ZC3H14: variants seen among roughly 807,000 people sequenced by gnomAD.
ZC3H14 encodes the protein zinc finger CCCH-type containing 14.
Under a neutral mutation model 92.4 loss-of-function variants are expected in ZC3H14, and 31 were observed. That is an observed-to-expected ratio of 0.34 (90% confidence interval 0.25 to 0.45). The LOEUF is 0.45. Among genes scored for constraint, ZC3H14 ranks in the 20% least tolerant of loss-of-function variants. The pLI, the probability that ZC3H14 is intolerant of heterozygous loss-of-function variation, is 1.00. For missense variants in ZC3H14, 781 were observed against 897.3 expected (o/e 0.87, Z 1.66); for synonymous variants, 321 against 300.9 (o/e 1.07, Z -0.69).
At chr14:88,604,194 T>A (rs1490088998) in intron 12 of ZC3H14, among the ~76,000 whole-genome samples, 1 of 152,210 alleles carries the variant, frequency 6.6e-6, no homozygotes, top group Non-Finnish European at 1.5e-5. Flanking sequence ...GGTGTCCATA[T>A]GAGGCTTTAT....
chr14:88,619,928 G>A lies in ZC3H14; in HGVS notation c.*8177G>A, dbSNP rs1421598864. 1 of 152,214 alleles carries A rather than the reference G, an allele frequency of 6.6e-6. No individual in the cohort carries two copies. The highest frequency in any genetic ancestry group is 1.5e-5 in the Non-Finnish European group (1 of 68,102). The allele number at this position is 152,214 out of a possible 1,614,324, so 9.4% of individuals were successfully genotyped here. A position where few individuals can be genotyped will look rare whatever the true frequency, so the allele number is the denominator to read the frequency against. ...GATCTGCCTGCCTCGGCCTCCCAAA[G>A]TGCTGGGATTACAGGCATGAGCCAC... On this transcript the variant is annotated 3_prime_UTR_variant, in exon 17 of 17. Coordinates refer to ENST00000251038, the MANE Select transcript of ZC3H14 (RefSeq NM_024824.5).
At position 88,616,780 on chromosome 14, in the gene ZC3H14, T is replaced by G. The variant is rs762494172; in HGVS notation, c.*5029T>G. The G allele has an allele frequency of 1.2e-6, 2 of 1,613,984 alleles. No homozygotes were observed. The highest frequency in any genetic ancestry group is 1.7e-6 in the Non-Finnish European group (2 of 1,179,868). ...ACTTAACCATGCCAAAGTCATCTCCTGTAACAAGACTGATTCCTGAATGAG... is the reference window on the plus strand; with the variant it reads ...ACTTAACCATGCCAAAGTCATCTCCGGTAACAAGACTGATTCCTGAATGAG... On this transcript the variant is annotated 3_prime_UTR_variant, in exon 17 of 17. Coordinates refer to ENST00000251038, the MANE Select transcript of ZC3H14 (RefSeq NM_024824.5).
chr14:88,565,168 A>C (rs1368636209), intron 2 of ZC3H14, among the ~76,000 whole-genome samples: 1 of 152,056 alleles, frequency 6.6e-6, no homozygotes, highest in African/African-American at 2.4e-5. Flanking sequence ...TTTGAGATGG[A>C]ATTTCACTCG....
chr14:88,578,477 G>T (rs7143853), intron 9 of ZC3H14, among the ~76,000 whole-genome samples: 1 of 151,922 alleles, frequency 6.6e-6, no homozygotes, highest in East Asian at 1.9e-4. Flanking sequence ...TCTTTTTATT[G>T]TGGAAATTTT....
chr14:88,569,338 C>G (rs995315024), intron 3 of ZC3H14, among the ~76,000 whole-genome samples: 3 of 152,112 alleles, frequency 2.0e-5, no homozygotes, highest in Non-Finnish European at 4.4e-5. Flanking sequence ...TAAACTCACA[C>G]CTTCATTTTG....
At position 88,615,833 on chromosome 14, in the gene ZC3H14, T is replaced by C; in HGVS notation, c.*4082T>C. The C allele has an allele frequency of 6.2e-7, 1 of 1,612,104 alleles. No individual in the cohort carries two copies. Among genetic ancestry groups the C allele is most frequent in the Non-Finnish European group, 8.5e-7 (1 of 1,179,120 alleles). ...TCAGCATCTCTCAGTGAGGTGTATG[T>C]ACACATTTCCAGACAAATAAGCTGC... On this transcript the variant is annotated 3_prime_UTR_variant, in exon 17 of 17. Coordinates refer to ENST00000251038, the MANE Select transcript of ZC3H14 (RefSeq NM_024824.5).
intron 6 of ZC3H14, 149 bp downstream of exon 6, chr14:88,573,156 G>C (rs1049371426): frequency 4.9e-5 from 41 of 833,536 alleles, no homozygotes; most frequent in Admixed American, 1.3e-4. Context: ...CGAGGCGGGT[G>C]GATCACGAGG....
At position 88,572,873 on chromosome 14, in the gene ZC3H14, G is replaced by A. The variant is rs760052050; in HGVS notation, c.727G>A (p.Ala243Thr). 1.2e-6 allele frequency: 2 copies of A among 1,614,204 alleles called. No homozygotes were observed. The highest frequency in any genetic ancestry group is 8.5e-7 in the Non-Finnish European group (1 of 1,180,044). ...QFQQQQNSIH[A>T]AKQLDMQSSW... ...TCAACAGCAGCAGAATAGTATTCAT[G>A]CTGCCAAGCAGCTTGATATGCAGAG... The change falls in exon 6 of 17, where the codon GCT (alanine) becomes ACT (threonine). Residue 243 changes from alanine (A) to threonine (T), a missense_variant. By Grantham distance (58) the Ala-to-Thr change is moderately conservative. Around this residue, in one of 3 missense-constraint regions of ZC3H14, gnomAD observed 454 missense variants for 438.5 expected, o/e 1.04. Coordinates refer to ENST00000251038, the MANE Select transcript of ZC3H14 (RefSeq NM_024824.5).
At chr14:88,576,015 C>T in intron 8 of ZC3H14, 75 bp downstream of exon 8, 2 of 1,293,048 alleles carry the variant, frequency 1.5e-6, no homozygotes, top group South Asian at 1.2e-5. Flanking sequence ...ATGATTGCTC[C>T]TTAAATTGTA....
chr14:88,621,449 A>T lies in ZC3H14; in HGVS notation c.*9698A>T. ...GCAAGGCAGTCATTAGCTCATGCAA[A>T]TTTTTCTATGACTACAGGCACACAT... On this transcript the variant is annotated 3_prime_UTR_variant, in exon 17 of 17. Coordinates refer to ENST00000251038, the MANE Select transcript of ZC3H14 (RefSeq NM_024824.5). 1 of 805,578 alleles carries T rather than the reference A, an allele frequency of 1.2e-6. No homozygotes were observed. Among genetic ancestry groups the T allele is most frequent in the Non-Finnish European group, 2.0e-6 (1 of 499,058 alleles). 49.9% of individuals were successfully genotyped at this position (805,578 alleles called of 1,614,324 possible). A position where few individuals can be genotyped will look rare whatever the true frequency, so the allele number is the denominator to read the frequency against.
intron 9 of ZC3H14, chr14:88,594,298 C>A: frequency 1.7e-6 from 1 of 574,368 alleles, no homozygotes; most frequent in Non-Finnish European, 2.2e-6. Flanking sequence ...AGTAGCGCTT[C>A]AGTGCTCTCA....
At chr14:88,592,660 CTGGCTAATTTT>C (rs1487566652) in intron 9 of ZC3H14, among the ~76,000 whole-genome samples, 2 of 152,202 alleles carry the variant, frequency 1.3e-5, no homozygotes, top group Non-Finnish European at 2.9e-5. Flanking sequence ...GCCACCACGC[CTGGCTAATTTT>C]TGTATTTTTA....
chr14:88,574,124 C>G (rs754918386), intron 6 of ZC3H14, among the ~76,000 whole-genome samples: 2 of 152,094 alleles, frequency 1.3e-5, no homozygotes, highest in African/African-American at 4.8e-5. Flanking sequence ...AACCAATTAA[C>G]TCTGTTTTAT....
rs2089991441 is a variant in ZC3H14, at chr14:88,626,707, T to C, written c.*14956T>C. On this transcript the variant is annotated 3_prime_UTR_variant, in exon 17 of 17. Transcript: ENST00000251038. ...AACTAGATTTTTGAAAGATGAAATA[T>C]ATGCTTGACCAGGGCATGTAATGAT... 3.4e-6 allele frequency: 3 copies of C among 886,470 alleles called. No individual in the cohort carries two copies. The highest frequency in any genetic ancestry group is 1.8e-5 in the South Asian group (1 of 55,186). 54.9% of individuals were successfully genotyped at this position (886,470 alleles called of 1,614,324 possible). A position where few individuals can be genotyped will look rare whatever the true frequency, so the allele number is the denominator to read the frequency against.
At chr14:88,571,455 G>A (rs1168373680) in intron 4 of ZC3H14, among the ~76,000 whole-genome samples, 1 of 152,056 alleles carries the variant, frequency 6.6e-6, no homozygotes, top group South Asian at 2.1e-4. Context: ...GTATTACCAT[G>A]TGTGGAATAA....
At chr14:88,589,236 T>TG (rs1198699161) in intron 9 of ZC3H14, 1 of 152,202 alleles carries the variant, frequency 6.6e-6, no homozygotes, top group Non-Finnish European at 1.5e-5. Flanking sequence ...CAATTGGCCT[T>TG]GCAGTTGTAG....
chr14:88,574,834 C>T lies in ZC3H14; in HGVS notation c.1003C>T (p.Pro335Ser), dbSNP rs761255138. The T allele has an allele frequency of 1.2e-6, 2 of 1,614,028 alleles. No individual in the cohort carries two copies. The highest frequency in any genetic ancestry group is 3.3e-5 in the Admixed American group (2 of 59,984). The change falls in exon 7 of 17, where the codon CCT (proline) becomes TCT (serine). Residue 335 changes from proline to serine, a missense_variant. Pro to Ser is a moderately conservative substitution (Grantham distance 74). Coordinates refer to ENST00000251038, the MANE Select transcript of ZC3H14 (RefSeq NM_024824.5). Reference sequence around the variant, plus strand: ...AAGCATCTCCAGCAGTGTGTCTGTGCCTGCAAAGCCTGAAAGGAGGTACCT... The same window carrying T: ...AAGCATCTCCAGCAGTGTGTCTGTGTCTGCAAAGCCTGAAAGGAGGTACCT... ...TGSISSSVSV[P>S]AKPERRPSLP...
At chr14:88,595,278 C>A (rs2083659345) in intron 9 of ZC3H14, among the ~76,000 whole-genome samples, 1 of 152,116 alleles carries the variant, frequency 6.6e-6, no homozygotes, top group Non-Finnish European at 1.5e-5. Context: ...GCTTAGCAAT[C>A]TAGAATTGAT....
intron 9 of ZC3H14, among the ~76,000 whole-genome samples, chr14:88,595,691 C>T (rs1490302730): frequency 2.0e-5 from 3 of 152,244 alleles, no homozygotes; most frequent in South Asian, 2.1e-4. Context: ...AATTTCAAAT[C>T]GAGTATAGGT....
Sources: allele counts gnomAD v4.1 joint callset (sites outside exome capture counted in the v4.1 genomes callset), GRCh38; gene constraint gnomAD v4.1.1; regional missense constraint gnomAD v4.1.1; transcripts MANE v1.5; gene names NCBI Gene and HGNC (gene_info 2026-07-23, HGNC 2026-07-21).